Variants in LDLRAD4 observed in about 807,000 individuals in gnomAD.
LDLRAD4 encodes low-density lipoprotein receptor class A domain-containing protein 4.
In LDLRAD4, 5 loss-of-function variants were observed where a neutral mutation model predicts 17.0. The ratio of observed to expected loss-of-function variants is 0.29; its 90% CI spans 0.15 to 0.62. The LOEUF (loss-of-function observed/expected upper bound fraction) is 0.62. Among genes scored for constraint, LDLRAD4 ranks in the 20% least tolerant of loss-of-function variants. LDLRAD4 has a pLI of 0.84. For missense variants in LDLRAD4, 340 were observed against 424.7 expected, an observed-to-expected ratio of 0.80 and a Z score of 1.75; for synonymous variants, 168 against 171.8, an observed-to-expected ratio of 0.98 and a Z score of 0.17.
intron 1 of LDLRAD4, among the ~76,000 whole-genome samples, chr18:13,319,843 G>A (rs1232365618): frequency 6.6e-6 from 1 of 152,198 alleles, no homozygotes; most frequent in African/African-American, 2.4e-5. Flanking sequence ...GGGAACAGTT[G>A]CCTCATAGCT....
intron 1 of LDLRAD4, among the ~76,000 whole-genome samples, chr18:13,231,769 T>C (rs2042090786): frequency 6.6e-6 from 1 of 152,258 alleles, no homozygotes; most frequent in African/African-American, 2.4e-5. Context: ...TTCCTTGGCT[T>C]TAAGGAACAA....
At chr18:13,304,135 C>G (rs1374565075) in intron 1 of LDLRAD4, among the ~76,000 whole-genome samples, 1 of 152,164 alleles carries the variant, frequency 6.6e-6, no homozygotes, top group Non-Finnish European at 1.5e-5. Context: ...TGCACAGGCT[C>G]CCAGGCCAGG....
chr18:13,504,886 T>C (rs939979458), intron 3 of LDLRAD4, among the ~76,000 whole-genome samples: 5 of 152,198 alleles, frequency 3.3e-5, no homozygotes, highest in Admixed American at 3.3e-4. Context: ...TTTGGGAATA[T>C]CCACCCTTAG....
chr18:13,362,910 A>C (rs1346991176), intron 1 of LDLRAD4, among the ~76,000 whole-genome samples: 1 of 151,738 alleles, frequency 6.6e-6, no homozygotes, highest in Admixed American at 6.6e-5. Context: ...TTTGCTTGAG[A>C]TATGAGAGCC....
rs917826763 is a variant in LDLRAD4, at chr18:13,440,516, G to A, written c.181+2132G>A. ...AACTTTTGTCTTTATAGCTAAAATG[G>A]GATATTATTTACAATATACTCTCTT... On this transcript the variant is annotated intron_variant, in intron 3 of 5. Transcript: ENST00000359446. The surrounding 1 kb of genome is among the most constrained non-coding windows in gnomAD (Gnocchi z 4.4). 1.3e-5 allele frequency among the ~76,000 whole-genome samples: 2 copies of A among 152,066 alleles called. No individual in the cohort carries two copies. Among genetic ancestry groups the A allele is most frequent in the African/African-American group, 4.8e-5 (2 of 41,388 alleles).
At chr18:13,649,186 C>T (rs188221730) in exon 6 of LDLRAD4, 6 of 152,314 alleles carry the variant, frequency 3.9e-5, no homozygotes, top group Admixed American at 3.9e-4. Context: ...ATGGGGGAGG[C>T]CTCCTGACAC....
chr18:13,391,607 T>C (rs2086278232), intron 2 of LDLRAD4, among the ~76,000 whole-genome samples: 1 of 152,256 alleles, frequency 6.6e-6, no homozygotes, highest in Non-Finnish European at 1.5e-5. Flanking sequence ...GTATTTTATA[T>C]CAAAAATTAA....
intron 1 of LDLRAD4, among the ~76,000 whole-genome samples, chr18:13,385,659 T>C (rs1328171831): frequency 6.6e-6 from 1 of 152,152 alleles, no homozygotes; most frequent in Non-Finnish European, 1.5e-5. Flanking sequence ...AAATCAAAGC[T>C]TTAGGGCAGG....
chr18:13,323,749 C>G (rs2081371359), intron 1 of LDLRAD4, among the ~76,000 whole-genome samples: 1 of 152,090 alleles, frequency 6.6e-6, no homozygotes, highest in African/African-American at 2.4e-5. Flanking sequence ...TTTGGTTAAT[C>G]TATTCATATT....
chr18:13,247,868 C>T (rs545116260), intron 1 of LDLRAD4, among the ~76,000 whole-genome samples: 1 of 151,986 alleles, frequency 6.6e-6, no homozygotes, highest in South Asian at 2.1e-4. Flanking sequence ...CACTCTGGAG[C>T]CTTTAGTCAT....
intron 1 of LDLRAD4, among the ~76,000 whole-genome samples, chr18:13,323,904 A>G (rs1424224000): frequency 7.6e-6 from 1 of 132,354 alleles, no homozygotes; most frequent in African/African-American, 2.8e-5. Context: ...CGTCTCTACT[A>G]AAAGTATAAA....
At position 13,398,574 on chromosome 18, in the gene LDLRAD4, G is replaced by T. The variant is rs766956958; in HGVS notation, c.40+10812G>T. On this transcript the variant is annotated intron_variant, in intron 2 of 5. Coordinates refer to ENST00000359446, the Ensembl canonical transcript of LDLRAD4. The surrounding 1 kb of genome is among the most constrained non-coding windows in gnomAD (Gnocchi z 4.8). ...GGGAAAGTGGGAATGACTGTGGGTG[G>T]GTAACGAGGGTCTCAGTTTTGGCTT... is the stretch of plus-strand genomic sequence containing the variant. Among the ~76,000 whole-genome samples, 42 of 152,150 alleles carry T rather than the reference G, an allele frequency of 2.8e-4. 1 individual carries two copies. The highest frequency in any genetic ancestry group is 2.0e-4 in the Admixed American group (3 of 15,280).
At chr18:13,222,370 C>A (rs892868031) in intron 1 of LDLRAD4, among the ~76,000 whole-genome samples, 2 of 150,894 alleles carry the variant, frequency 1.3e-5, no homozygotes, top group South Asian at 2.1e-4. Flanking sequence ...AAGATGACAA[C>A]TATTTTTTTT....
intron 3 of LDLRAD4, among the ~76,000 whole-genome samples, chr18:13,560,905 A>T (rs1297740102): frequency 6.6e-6 from 1 of 152,208 alleles, no homozygotes; most frequent in Non-Finnish European, 1.5e-5. Context: ...GCAGGTGCCT[A>T]ACACTGTGGC....
At chr18:13,361,863 A>G (rs1599674455) in intron 1 of LDLRAD4, among the ~76,000 whole-genome samples, 1 of 152,278 alleles carries the variant, frequency 6.6e-6, no homozygotes, top group East Asian at 1.9e-4. Flanking sequence ...GCGACGCATG[A>G]CTGCTTGGAT....
chr18:13,350,190 C>T (rs534482385), intron 1 of LDLRAD4, among the ~76,000 whole-genome samples: 15 of 152,268 alleles, frequency 9.9e-5, no homozygotes, highest in South Asian at 4.1e-4. Context: ...GTTCTAGATC[C>T]TTGAGGAATC....
At chr18:13,617,803 G>A (rs1453337068) in intron 3 of LDLRAD4, among the ~76,000 whole-genome samples, 1 of 47,674 alleles carries the variant, frequency 2.1e-5, no homozygotes, top group East Asian at 5.0e-3. Context: ...ACATATTTTT[G>A]CCATCAGATT....
At chr18:13,224,849 G>C (rs71353251) in intron 1 of LDLRAD4, among the ~76,000 whole-genome samples, 1 of 145,604 alleles carries the variant, frequency 6.9e-6, no homozygotes, top group Admixed American at 6.9e-5. Flanking sequence ...TTTTTTCTTA[G>C]ATAGAGTCTC....
At chr18:13,257,013 G>A (rs762898742) in intron 1 of LDLRAD4, among the ~76,000 whole-genome samples, 5 of 152,252 alleles carry the variant, frequency 3.3e-5, no homozygotes, top group African/African-American at 1.2e-4. Flanking sequence ...GTGGGAACTT[G>A]AGAAGTGCAA....
Sources: gnomAD v4.1 joint callset for allele counts (sites outside exome capture counted in the v4.1 genomes callset) on GRCh38, gnomAD v4.1.1 for gene constraint, Gnocchi (gnomAD v3.1) non-coding constraint, MANE v1.5 for transcripts, NCBI Gene and HGNC (gene_info 2026-07-23, HGNC 2026-07-21) for gene names.